CHCHD5: variants seen among roughly 807,000 people sequenced by gnomAD.
CHCHD5 encodes coiled-coil-helix-coiled-coil-helix domain-containing protein 5.
CHCHD5 carries 10 observed loss-of-function variants against 16.0 expected under a neutral mutation model. The ratio of observed to expected loss-of-function variants is 0.63; its 90% CI spans 0.39 to 1.06. The LOEUF is 1.06. Among genes scored for constraint, CHCHD5 ranks in the 50% least tolerant of loss-of-function variants. CHCHD5 has a pLI of 0.01. For missense variants in CHCHD5, 163 were observed against 153.4 expected, an observed-to-expected ratio of 1.06 and a Z score of -0.33; for synonymous variants, 55 against 56.3, an observed-to-expected ratio of 0.98 and a Z score of 0.10.
rs1419553004 is a variant in CHCHD5, at chr2:112,585,998, T to A, written c.27T>A (p.Ala9=). 8.7e-6 allele frequency: 14 copies of A among 1,614,174 alleles called. No individual in the cohort carries two copies. Among genetic ancestry groups the A allele is most frequent in the African/African-American group, 1.3e-5 (1 of 75,056 alleles). Reference sequence around the variant, plus strand: ...GGCAGGCGGCCCTAGAGGTCACCGCTCGCTACTGTGGCCGGGAGCTGGAGC... The same window carrying A: ...GGCAGGCGGCCCTAGAGGTCACCGCACGCTACTGTGGCCGGGAGCTGGAGC... MQAALEVT[A]RYCGRELEQY... Residue 9 remains alanine, a synonymous_variant, in exon 2 of 4, where the codon GCT becomes GCA. Transcript: ENST00000324913.
rs750317614 is a variant in CHCHD5, at chr2:112,586,107, T to C, written c.136T>C (p.Ser46Pro). 23 of 1,602,826 alleles carry C rather than the reference T, an allele frequency of 1.4e-5. No individual in the cohort carries two copies. Among genetic ancestry groups the C allele is most frequent in the Non-Finnish European group, 2.0e-5 (23 of 1,174,620 alleles). Residue 46 changes from serine (S) to proline (P), a missense_variant, in exon 2 of 4, where the codon TCC becomes CCC. Coordinates refer to ENST00000324913, the MANE Select transcript of CHCHD5 (RefSeq NM_032309.4). ...YLKMSIAQCT[S>P]SHPIIRQIRQ... ...TAAGATGAGCATTGCCCAGTGCACATCCTCCCAGTGAGTGCGGGCAAGTAT... is the reference window on the plus strand; with the variant it reads ...TAAGATGAGCATTGCCCAGTGCACACCCTCCCAGTGAGTGCGGGCAAGTAT...
At position 112,586,445 on chromosome 2, in the gene CHCHD5, T is replaced by C. The variant is rs539256930; in HGVS notation, c.309+80T>C. On this transcript the variant is annotated intron_variant, in intron 3 of 3. Transcript: ENST00000324913. ...TTCTGGTTGTTCAGGGTAAAGACTT[T>C]GGAGTCATCCTCAGCCCCACCCCAT... The C allele has an allele frequency of 5.8e-5, 93 of 1,597,188 alleles. No homozygotes were observed. In the East Asian group the frequency reaches 1.9e-3, roughly 33 times the overall value.
rs757607382 is a variant in CHCHD5, at chr2:112,586,003, A to G, written c.32A>G (p.Tyr11Cys). 6.1e-5 allele frequency: 98 copies of G among 1,614,088 alleles called. No individual in the cohort carries two copies. Among genetic ancestry groups the G allele is most frequent in the Middle Eastern group, 1.6e-4 (1 of 6,082 alleles). MQAALEVTARYCGRELEQYGQ... is the reference protein window; with the variant it reads MQAALEVTARCCGRELEQYGQ... ...GCGGCCCTAGAGGTCACCGCTCGCT[A>G]CTGTGGCCGGGAGCTGGAGCAGTAT... Residue 11 changes from tyrosine to cysteine, a missense_variant, in exon 2 of 4, where the codon TAC becomes TGC. By Grantham distance (194) the Tyr-to-Cys change is radical. Transcript: ENST00000324913.
At chr2:112,587,103 C>G (rs1685248821) in intron 3 of CHCHD5, 1 of 154,226 alleles carries the variant, frequency 6.5e-6, no homozygotes, top group African/African-American at 2.4e-5. Flanking sequence ...TCCTGGGGCC[C>G]TCTCTCTGCC....
intron 3 of CHCHD5, chr2:112,586,571 T>C: frequency 6.6e-7 from 1 of 1,516,066 alleles, no homozygotes; most frequent in East Asian, 2.5e-5. Context: ...ACCCTCCACC[T>C]CCAGGATACC....
upstream of CHCHD5, chr2:112,584,498 C>T: frequency 4.3e-6 from 4 of 940,164 alleles, no homozygotes; most frequent in South Asian, 4.3e-5. Flanking sequence ...TAGGGCGCCG[C>T]CGTGACAGAT....
rs755522629 is a variant in CHCHD5, at chr2:112,586,202, C to T, written c.146C>T (p.Pro49Leu). The T allele has an allele frequency of 1.2e-5, 20 of 1,609,454 alleles. No homozygotes were observed. The Middle Eastern group carries it at 4.9e-4, about 40-fold the overall frequency. ...GCTGAACTGCCCTACCCCCACAGCC[C>T]AATCATCCGCCAGATCCGCCAGGCC... The part of the protein sequence containing the change: ...MSIAQCTSSH[P>L]IIRQIRQACA... Residue 49 changes from proline to leucine, a missense_variant and splice_region_variant, in exon 3 of 4, where the codon CCA (proline) becomes CTA (leucine). Transcript: ENST00000324913.
chr2:112,584,547 A>C, upstream of CHCHD5: 1 of 1,487,212 alleles, frequency 6.7e-7, no homozygotes, highest in Non-Finnish European at 9.4e-7. Context: ...TCAATTGGCT[A>C]CCGGAAAAAA....
intron 1 of CHCHD5, chr2:112,584,856 C>G: frequency 1.6e-6 from 1 of 613,592 alleles, no homozygotes; most frequent in Non-Finnish European, 2.9e-6. Context: ...CTCGCCCCCT[C>G]TCGCGCTGCT....
intron 3 of CHCHD5, chr2:112,587,763 A>T (rs893886963): frequency 6.6e-6 from 1 of 152,344 alleles, no homozygotes; most frequent in South Asian, 2.1e-4. Context: ...AAGGAACTTA[A>T]TTCTCCTCAG....
At chr2:112,584,798 A>G (rs1685155208) in intron 1 of CHCHD5, 149 bp downstream of exon 1, 1 of 920,140 alleles carries the variant, frequency 1.1e-6, no homozygotes, top group Non-Finnish European at 1.7e-6. Flanking sequence ...TTCGCTCACG[A>G]GCTCCAACCC....
intron 1 of CHCHD5, among the ~76,000 whole-genome samples, chr2:112,585,742 T>C (rs1384987499): frequency 6.6e-6 from 1 of 151,774 alleles, no homozygotes; most frequent in African/African-American, 2.4e-5. Flanking sequence ...CTACAAAACA[T>C]AAAAAATTAG....
chr2:112,588,759 C>T, intron 3 of CHCHD5, 107 bp from the exon 4 acceptor site: 1 of 865,884 alleles, frequency 1.2e-6, no homozygotes, highest in African/African-American at 1.6e-5. Context: ...CACCCTTCTC[C>T]CTCCAGACTG....
intron 1 of CHCHD5, 141 bp downstream of exon 1, chr2:112,584,790 C>A (rs750299055): frequency 2.0e-6 from 2 of 998,602 alleles, no homozygotes; most frequent in African/African-American, 1.6e-5. Context: ...TCAGCGCCTT[C>A]GCTCACGAGC....
At position 112,584,666 on chromosome 2, in the gene CHCHD5, C is replaced by T. The variant is rs755090701; in HGVS notation, c.2+17C>T. The T allele has an allele frequency of 6.2e-7, 1 of 1,613,906 alleles. No individual in the cohort carries two copies. The highest frequency in any genetic ancestry group is 8.5e-7 in the Non-Finnish European group (1 of 1,179,864). ...TCTCGAGATGTGAGTAGTGAGAGCGCCTACCCCATACGTGCTGCCGCTCCC... is the reference window on the plus strand; with the variant it reads ...TCTCGAGATGTGAGTAGTGAGAGCGTCTACCCCATACGTGCTGCCGCTCCC... On this transcript the variant is annotated intron_variant, in intron 1 of 3. Coordinates refer to ENST00000324913, the MANE Select transcript of CHCHD5 (RefSeq NM_032309.4).
At chr2:112,584,524 C>G (rs1685140117), upstream of CHCHD5, 1 of 1,221,834 alleles carries the variant, frequency 8.2e-7, no homozygotes, top group Non-Finnish European at 1.2e-6. Flanking sequence ...CTAAAGGGAA[C>G]GGGGTTGTTA....
intron 1 of CHCHD5, 135 bp downstream of exon 1, chr2:112,584,784 C>A: frequency 9.2e-7 from 1 of 1,087,456 alleles, no homozygotes; most frequent in Non-Finnish European, 1.4e-6. Context: ...CAGGATTCAG[C>A]GCCTTCGCTC....
Position 112,586,371 on chromosome 2 carries a change from A to T in CHCHD5, c.309+6A>T, listed in dbSNP as rs371284172. The T allele has an allele frequency of 1.9e-6, 3 of 1,613,844 alleles. No individual in the cohort carries two copies. The highest frequency in any genetic ancestry group is 1.6e-4 in the Middle Eastern group (1 of 6,084). ...GCTCACCTGCAACTGTGGAGGTAAG[A>T]GGGGCTCACCTCAGTTCATCTCTTT... On this transcript the variant is annotated splice_donor_region_variant and intron_variant, in intron 3 of 3. Coordinates refer to ENST00000324913, the MANE Select transcript of CHCHD5 (RefSeq NM_032309.4).
chr2:112,587,839 T>C (rs1477380116), intron 3 of CHCHD5: 1 of 152,204 alleles, frequency 6.6e-6, no homozygotes, highest in East Asian at 1.9e-4. Flanking sequence ...GTCTTTCAAG[T>C]TTTTTGGGCA....
Sources: gnomAD v4.1 joint callset for allele counts (sites outside exome capture counted in the v4.1 genomes callset) on GRCh38, gnomAD v4.1.1 for gene constraint, MANE v1.5 for transcripts, NCBI Gene and HGNC (gene_info 2026-07-23, HGNC 2026-07-21) for gene names.